The following HMCN1 variants were observed in gnomAD, a reference collection of about 807,000 sequenced individuals.
The protein encoded by HMCN1 is hemicentin 1, also known as hemicentin-1.
HMCN1 carries 321 observed loss-of-function variants against 625.9 expected under a neutral mutation model. That is an observed-to-expected ratio of 0.51 (90% CI 0.47 to 0.56). The LOEUF (loss-of-function observed/expected upper bound fraction) is 0.56. Ranked by LOEUF, HMCN1 falls within the 20% of genes least tolerant of loss-of-function variation. The probability of loss-of-function intolerance (pLI) is 0.00; values close to 1 mark genes in which losing one functional copy is unlikely to be tolerated. For synonymous variants in HMCN1, 2,425 were observed against 2,417.6 expected (o/e 1.00, Z -0.09); for missense variants, 6,588 against 6,887.3 (o/e 0.96, Z 1.54).
At chr1:186,089,974 G>A (rs1374410727) in intron 63 of HMCN1, among the ~76,000 whole-genome samples, 1 of 151,930 alleles carries the variant, frequency 6.6e-6, no homozygotes, top group African/African-American at 2.4e-5. Flanking sequence ...TCTCCATGGT[G>A]TAAATATTCC....
chr1:186,111,490 A>G (rs150714561), intron 71 of HMCN1, among the ~76,000 whole-genome samples: 182 of 152,180 alleles, frequency 1.2e-3, no homozygotes, highest in African/African-American at 4.2e-3. Context: ...CTGAATTTAA[A>G]AAAAAGTTAG....
At chr1:186,028,780 A>G (rs1571741256) in intron 36 of HMCN1, among the ~76,000 whole-genome samples, 1 of 149,400 alleles carries the variant, frequency 6.7e-6, no homozygotes. Flanking sequence ...GCTGGAGTAC[A>G]ATGGCGCGAT....
chr1:186,100,677 G>C (rs1422190153), intron 68 of HMCN1, among the ~76,000 whole-genome samples: 1 of 152,180 alleles, frequency 6.6e-6, no homozygotes, highest in Non-Finnish European at 1.5e-5. Context: ...GATTCCGAGA[G>C]ACCAGTATAA....
At chr1:186,177,513 G>GAAAT (rs1335514801) in intron 103 of HMCN1, among the ~76,000 whole-genome samples, 1 of 152,122 alleles carries the variant, frequency 6.6e-6, no homozygotes, top group Non-Finnish European at 1.5e-5. Context: ...GGGAAAACAT[G>GAAAT]AAAGGTCTTG....
At chr1:186,099,238 G>A (rs1005482934) in intron 68 of HMCN1, among the ~76,000 whole-genome samples, 2 of 152,048 alleles carry the variant, frequency 1.3e-5, no homozygotes, top group Non-Finnish European at 2.9e-5. Context: ...ATTACACAAT[G>A]TATACATGTA....
intron 47 of HMCN1, 66 bp from the exon 48 acceptor site, chr1:186,062,448 A>G: frequency 1.1e-6 from 1 of 932,794 alleles, no homozygotes; most frequent in Non-Finnish European, 1.8e-6. Flanking sequence ...AACCATACAT[A>G]AATATCTATA....
chr1:185,890,024 C>A (rs999989212), intron 4 of HMCN1, among the ~76,000 whole-genome samples: 7 of 151,224 alleles, frequency 4.6e-5, no homozygotes, highest in African/African-American at 9.9e-5. Context: ...CAACTTCTTC[C>A]TGGTTTAGTC....
chr1:186,006,068 A>T (rs1327171307), intron 29 of HMCN1, among the ~76,000 whole-genome samples: 5 of 151,072 alleles, frequency 3.3e-5, no homozygotes, highest in African/African-American at 1.2e-4. Flanking sequence ...CCCAGGAGGC[A>T]GAGGTTGCAG....
rs561087029 is a variant in HMCN1, at chr1:185,984,027, C to T, written c.2791-142C>T. The T allele has an allele frequency of 1.1e-4, 70 of 642,984 alleles. No homozygotes were observed. In the East Asian group the frequency reaches 1.6e-3, roughly 15 times the overall value. The allele number at this position is 642,984 out of a possible 1,614,324, so 39.8% of individuals were successfully genotyped here. A position where few individuals can be genotyped will look rare whatever the true frequency, so the allele number is the denominator to read the frequency against. On this transcript the variant is annotated intron_variant, in intron 18 of 106. Coordinates refer to ENST00000271588, the MANE Select transcript of HMCN1 (RefSeq NM_031935.3). ...CACTCTTGGTAACATTTATGCTCAT[C>T]GTTCTTCACTTAAGGACATTAGAAT...
intron 85 of HMCN1, among the ~76,000 whole-genome samples, chr1:186,131,055 A>G (rs917556723): frequency 6.6e-6 from 1 of 152,170 alleles, no homozygotes; most frequent in African/African-American, 2.4e-5. Flanking sequence ...AGGCTTTTCC[A>G]AAGTTCAGTA....
intron 75 of HMCN1, 114 bp downstream of exon 75, chr1:186,115,528 A>T: frequency 3.0e-6 from 3 of 1,002,884 alleles, no homozygotes; most frequent in South Asian, 1.4e-5. Context: ...ATTAGCTAGC[A>T]TATAGAGGGT....
intron 11 of HMCN1, among the ~76,000 whole-genome samples, chr1:185,952,460 G>T (rs893347250): frequency 6.6e-6 from 1 of 151,630 alleles, no homozygotes; most frequent in Non-Finnish European, 1.5e-5. Flanking sequence ...AGGGAAAGAA[G>T]GAAGATTTGG....
At position 186,065,430 on chromosome 1, in the gene HMCN1, G is replaced by T. The variant is rs1429601649; in HGVS notation, c.7705+1G>T. 2 of 1,593,906 alleles carry T rather than the reference G, an allele frequency of 1.3e-6. No individual in the cohort carries two copies. The highest frequency in any genetic ancestry group is 1.1e-5 in the South Asian group (1 of 89,010). On this transcript the variant is annotated splice_donor_variant, in intron 49 of 106. Coordinates refer to ENST00000271588, the MANE Select transcript of HMCN1 (RefSeq NM_031935.3). LOFTEE classifies it high-confidence loss of function. ...AGGAGCTTCAGTCTTAATGTATTTG[G>T]TAGGTGTGGGCTTTTCTTCATATCT...
At chr1:186,043,431 T>C (rs1038057563) in intron 40 of HMCN1, among the ~76,000 whole-genome samples, 1 of 152,204 alleles carries the variant, frequency 6.6e-6, no homozygotes, top group African/African-American at 2.4e-5. Context: ...CCATTGTTTT[T>C]GCATTTTTTC....
At chr1:185,988,271 A>C (rs192008880) in intron 20 of HMCN1, among the ~76,000 whole-genome samples, 78 of 152,306 alleles carry the variant, frequency 5.1e-4, no homozygotes, top group Admixed American at 2.3e-3. Context: ...TTTTACTTGT[A>C]TTCTTGCAGT....
chr1:185,785,540 T>C lies in HMCN1; in HGVS notation c.268+50493T>C, dbSNP rs1657506003. Among the ~76,000 whole-genome samples, 5 of 152,346 alleles carry C rather than the reference T, an allele frequency of 3.3e-5. No individual in the cohort carries two copies. The South Asian group carries it at 1.0e-3, about 32-fold the overall frequency. On this transcript the variant is annotated intron_variant, in intron 1 of 106. Coordinates refer to ENST00000271588, the MANE Select transcript of HMCN1 (RefSeq NM_031935.3). ...TAATTTTCCCTGGAAGTCCAATTCA[T>C]AACAGACAAAATATTGAAAATTGTT...
intron 16 of HMCN1, among the ~76,000 whole-genome samples, chr1:185,978,819 T>G (rs575468305): frequency 3.9e-5 from 6 of 152,274 alleles, no homozygotes; most frequent in African/African-American, 1.4e-4. Flanking sequence ...TAGCTGGGAT[T>G]ACAGGTGTGA....
At chr1:185,892,553 T>A (rs1033532373) in intron 4 of HMCN1, among the ~76,000 whole-genome samples, 5 of 152,138 alleles carry the variant, frequency 3.3e-5, no homozygotes, top group African/African-American at 4.8e-5. Context: ...GCTGCAGGTC[T>A]GTTGGAGTAC....
At chr1:185,936,683 C>T (rs138018098) in intron 11 of HMCN1, among the ~76,000 whole-genome samples, 176 of 152,236 alleles carry the variant, frequency 1.2e-3, no homozygotes, top group African/African-American at 4.1e-3. Context: ...ATATATGTAA[C>T]CTGGGATGTA....
Sources: gnomAD v4.1 joint callset for allele counts (sites outside exome capture counted in the v4.1 genomes callset) on GRCh38, gnomAD v4.1.1 for gene constraint, MANE v1.5 for transcripts, NCBI Gene and HGNC (gene_info 2026-07-23, HGNC 2026-07-21) for gene names.